Variants in AQP9 observed in about 807,000 individuals in gnomAD.
The protein encoded by AQP9 is aquaporin 9, also known as aquaporin-9.
In AQP9, 19 loss-of-function variants were observed where a neutral mutation model predicts 23.8. The ratio of observed to expected loss-of-function variants is 0.80; its 90% CI spans 0.56 to 1.17. The LOEUF (loss-of-function observed/expected upper bound fraction) is 1.17, where lower values mean the gene tolerates loss of function less well. Among genes scored for constraint, AQP9 ranks in the 50% most tolerant of loss-of-function variants. AQP9 has a pLI of 0.00. For synonymous variants in AQP9, 153 were observed against 131.5 expected (o/e 1.16, Z -1.12); for missense variants, 413 against 362.0 (o/e 1.14, Z -1.14).
chr15:58,149,150 A>G (rs1294915043), intron 1 of AQP9, among the ~76,000 whole-genome samples: 1 of 152,218 alleles, frequency 6.6e-6, no homozygotes, highest in Non-Finnish European at 1.5e-5. Flanking sequence ...TAAAGGAAAC[A>G]GGCTGACCCA....
At chr15:58,176,363 C>T (rs964947690) in intron 4 of AQP9, among the ~76,000 whole-genome samples, 1 of 151,918 alleles carries the variant, frequency 6.6e-6, no homozygotes, top group Admixed American at 6.6e-5. Flanking sequence ...ACCAAAAATA[C>T]AAAAATTAGC....
At chr15:58,168,710 G>T (rs1898559485) in intron 2 of AQP9, among the ~76,000 whole-genome samples, 1 of 152,072 alleles carries the variant, frequency 6.6e-6, no homozygotes, top group South Asian at 2.1e-4. Flanking sequence ...TCAAACTTTT[G>T]TCCAGCTTTT....
intron 1 of AQP9, among the ~76,000 whole-genome samples, chr15:58,165,030 A>G (rs1296088277): frequency 1.3e-5 from 2 of 152,168 alleles, no homozygotes; most frequent in African/African-American, 4.8e-5. Flanking sequence ...TGTTTCTGAA[A>G]TATTTCCTCA....
intron 1 of AQP9, chr15:58,155,121 C>T (rs1424375541): frequency 1.3e-5 from 2 of 152,292 alleles, no homozygotes; most frequent in East Asian, 3.8e-4. Flanking sequence ...TGGCCATACA[C>T]TACACATCAG....
chr15:58,173,143 A>G lies in AQP9; in HGVS notation c.314A>G (p.Tyr105Cys), dbSNP rs761507848. 1.9e-6 allele frequency: 3 copies of G among 1,614,156 alleles called. No individual in the cohort carries two copies. Among genetic ancestry groups the G allele is most frequent in the South Asian group, 1.1e-5 (1 of 91,084 alleles). The change falls in exon 3 of 6, where the codon TAT becomes TGT. Residue 105 changes from tyrosine to cysteine, a missense_variant. Tyr to Cys is a radical substitution (Grantham distance 194). Transcript: ENST00000219919. ...GRMKWFKLPFYVGAQFLGAFV... is the reference protein window; with the variant it reads ...GRMKWFKLPFCVGAQFLGAFV... ...ATGAAATGGTTCAAATTGCCATTTT[A>G]TGTGGGAGCCCAGTTCTTGGGAGCC...
At chr15:58,138,713 A>AGCCTCCCT in intron 1 of AQP9, 37 bp downstream of exon 1, 1 of 1,566,516 alleles carries the variant, frequency 6.4e-7, no homozygotes, top group Non-Finnish European at 8.8e-7. Context: ...CAGACCCAAT[A>AGCCTCCCT]ATGCCTCCCT....
At chr15:58,179,060 G>A (rs1898820332) in intron 4 of AQP9, 68 bp from the exon 5 acceptor site, 3 of 1,101,790 alleles carry the variant, frequency 2.7e-6, no homozygotes, top group African/African-American at 3.1e-5. Context: ...AGTAAGAAGG[G>A]ATGATTTTGA....
chr15:58,173,144 T>C lies in AQP9; in HGVS notation c.315T>C (p.Tyr105=). Residue 105 remains tyrosine (Y), a synonymous_variant, in exon 3 of 6, where the codon TAT becomes TAC. Coordinates refer to ENST00000219919, the MANE Select transcript of AQP9 (RefSeq NM_020980.5). ...GRMKWFKLPF[Y]VGAQFLGAFV... is the part of the protein sequence containing the mutation. The stretch of plus-strand genomic sequence containing the variant: ...TGAAATGGTTCAAATTGCCATTTTA[T>C]GTGGGAGCCCAGTTCTTGGGAGCCT... The C allele has an allele frequency of 6.2e-7, 1 of 1,614,208 alleles. No homozygotes were observed. The highest frequency in any genetic ancestry group is 8.5e-7 in the Non-Finnish European group (1 of 1,180,020).
chr15:58,141,392 T>C (rs1167475224), intron 1 of AQP9, among the ~76,000 whole-genome samples: 1 of 152,156 alleles, frequency 6.6e-6, no homozygotes, highest in Non-Finnish European at 1.5e-5. Flanking sequence ...TACTGTGTAG[T>C]CGGACAGATG....
intron 2 of AQP9, among the ~76,000 whole-genome samples, chr15:58,168,010 C>A (rs1216054545): frequency 1.3e-5 from 2 of 151,982 alleles, no homozygotes; most frequent in African/African-American, 2.4e-5. Flanking sequence ...CAAGTGTAAG[C>A]CACCGCACCC....
At position 58,184,233 on chromosome 15, in the gene AQP9, C is replaced by T; in HGVS notation, c.*98C>T. 7.4e-7 allele frequency: 1 copy of T among 1,342,332 alleles called. No homozygotes were observed. Among genetic ancestry groups the T allele is most frequent in the East Asian group, 2.4e-5 (1 of 42,488 alleles). The allele number at this position is 1,342,332 out of a possible 1,614,324, so 83.2% of individuals were successfully genotyped here. ...TCTTGTAAGCCTGAGGTGGAATCCA[C>T]CCAGTTTTGTCTGCTAGCCATATGG... On this transcript the variant is annotated 3_prime_UTR_variant, in exon 6 of 6. Coordinates refer to ENST00000219919, the MANE Select transcript of AQP9 (RefSeq NM_020980.5).
intron 1 of AQP9, among the ~76,000 whole-genome samples, chr15:58,141,121 G>T (rs1897943733): frequency 6.6e-6 from 1 of 152,188 alleles, no homozygotes; most frequent in Non-Finnish European, 1.5e-5. Flanking sequence ...TAGTGTGGGG[G>T]GAAAGTTTGC....
At chr15:58,138,257 A>AG (rs1897891659), upstream of AQP9, 1 of 188,086 alleles carries the variant, frequency 5.3e-6, no homozygotes, top group South Asian at 1.5e-4. Flanking sequence ...AAACCAACAG[A>AG]GAAAAAAGTA....
intron 1 of AQP9, among the ~76,000 whole-genome samples, chr15:58,159,220 G>A (rs1312472823): frequency 6.6e-6 from 1 of 151,712 alleles, no homozygotes; most frequent in Non-Finnish European, 1.5e-5. Context: ...AGTCCCACTT[G>A]GTATTTCTTA....
At chr15:58,142,328 G>A (rs1897965716) in intron 1 of AQP9, among the ~76,000 whole-genome samples, 1 of 152,216 alleles carries the variant, frequency 6.6e-6, no homozygotes, top group Non-Finnish European at 1.5e-5. Flanking sequence ...TTGGTATCTT[G>A]ACTCCAGTCA....
At chr15:58,170,239 A>T (rs1334163989) in intron 2 of AQP9, among the ~76,000 whole-genome samples, 1 of 152,098 alleles carries the variant, frequency 6.6e-6, no homozygotes, top group Non-Finnish European at 1.5e-5. Flanking sequence ...TCAGGGTGCC[A>T]CTTGTCCACC....
intron 5 of AQP9, among the ~76,000 whole-genome samples, chr15:58,182,993 T>C (rs1227323870): frequency 6.6e-6 from 1 of 152,136 alleles, no homozygotes; most frequent in Admixed American, 6.5e-5. Context: ...TAATCAAAGT[T>C]TGAGATATAC....
chr15:58,144,582 T>A (rs1254810129), intron 1 of AQP9, among the ~76,000 whole-genome samples: 1 of 152,226 alleles, frequency 6.6e-6, no homozygotes, highest in Non-Finnish European at 1.5e-5. Context: ...ATTAGACTCA[T>A]GAAATGAATC....
chr15:58,175,153 G>A lies in AQP9; in HGVS notation c.495+117G>A, dbSNP rs182753453. 265 of 1,017,436 alleles carry A rather than the reference G, an allele frequency of 2.6e-4. No homozygotes were observed. The East Asian group carries it at 4.7e-3, about 18-fold the overall frequency. 63.0% of individuals were successfully genotyped at this position (1,017,436 alleles called of 1,614,324 possible). On this transcript the variant is annotated intron_variant, in intron 4 of 5. Transcript: ENST00000219919. ...GAGAGATTATATTTCCAAAGGCAGA[G>A]GTTGCTGGGCATAACCCAAGCTTTC...
Sources: gnomAD v4.1 joint callset for allele counts (sites outside exome capture counted in the v4.1 genomes callset) on GRCh38, gnomAD v4.1.1 for gene constraint, MANE v1.5 for transcripts, NCBI Gene and HGNC (gene_info 2026-07-23, HGNC 2026-07-21) for gene names.